TCEA1: variants seen among roughly 807,000 people sequenced by gnomAD.
TCEA1 encodes transcription elongation factor A1.
In TCEA1, 21 loss-of-function variants were observed where a neutral mutation model predicts 43.8. That is an observed-to-expected ratio of 0.48 (90% CI 0.34 to 0.69). The LOEUF is 0.69. TCEA1 is among the 30% of genes least tolerant of loss of function. The pLI is 0.01. For missense variants in TCEA1, 250 were observed against 365.1 expected (o/e 0.68, Z 2.57); for synonymous variants, 104 against 117.5 (o/e 0.88, Z 0.75).
At chr8:53,986,880 T>A (rs1803705067) in intron 6 of TCEA1, 89 bp downstream of exon 6, 2 of 944,286 alleles carry the variant, frequency 2.1e-6, no homozygotes, top group South Asian at 3.3e-5. Flanking sequence ...GAAGGACTAC[T>A]GCATGTAAAA....
intron 1 of TCEA1, among the ~76,000 whole-genome samples, chr8:54,017,502 G>A (rs916108574): frequency 2.6e-5 from 4 of 151,894 alleles, no homozygotes; most frequent in East Asian, 1.9e-4. Context: ...ACATTGTCTC[G>A]CTCTGTCACC....
intron 7 of TCEA1, among the ~76,000 whole-genome samples, chr8:53,980,987 T>C (rs1338360323): frequency 6.6e-6 from 1 of 152,206 alleles, no homozygotes; most frequent in Non-Finnish European, 1.5e-5. Flanking sequence ...GAAAACGTTT[T>C]AGTGGCCTAG....
chr8:53,993,136 T>A (rs1403773766), intron 4 of TCEA1, among the ~76,000 whole-genome samples: 2 of 147,404 alleles, frequency 1.4e-5, no homozygotes, highest in African/African-American at 5.0e-5. Context: ...AATTTTTTTT[T>A]TTTTTTTTTT....
chr8:54,022,421 G>C lies in TCEA1; in HGVS notation c.-296C>G, dbSNP rs1288010258. 2 of 467,370 alleles carry C rather than the reference G, an allele frequency of 4.3e-6. No homozygotes were observed. Among genetic ancestry groups the C allele is most frequent in the Non-Finnish European group, 7.6e-6 (2 of 262,998 alleles). 29.0% of individuals were successfully genotyped at this position (467,370 alleles called of 1,614,324 possible). A position where few individuals can be genotyped will look rare whatever the true frequency, so the allele number is the denominator to read the frequency against. On this transcript the variant is annotated 5_prime_UTR_variant, in exon 1 of 10. Transcript: ENST00000521604. ...CCATGTTCCCGCCAGGCGGGCGTCG[G>C]GCTAGTGGGCAGGCGTGGCTTCCGG...
intron 9 of TCEA1, chr8:53,970,159 C>A: frequency 1.9e-6 from 1 of 538,206 alleles, no homozygotes; most frequent in Non-Finnish European, 3.3e-6. Flanking sequence ...AAGATTCACT[C>A]CCCATTTCCT....
At chr8:54,004,443 A>G (rs1804374531) in intron 2 of TCEA1, among the ~76,000 whole-genome samples, 1 of 152,220 alleles carries the variant, frequency 6.6e-6, no homozygotes, top group African/African-American at 2.4e-5. Flanking sequence ...ATTCAGCCAT[A>G]AAAAGGCCTG....
At chr8:53,991,133 C>T (rs1803862158) in intron 4 of TCEA1, among the ~76,000 whole-genome samples, 1 of 152,154 alleles carries the variant, frequency 6.6e-6, no homozygotes, top group Admixed American at 6.5e-5. Flanking sequence ...TGGCTCACGA[C>T]AGTAATCCCA....
intron 3 of TCEA1, among the ~76,000 whole-genome samples, chr8:53,999,387 A>G (rs566449541): frequency 1.3e-5 from 2 of 152,162 alleles, no homozygotes; most frequent in East Asian, 1.9e-4. Context: ...TAAATTTCCT[A>G]TATTTCTTAT....
chr8:53,999,590 G>T (rs919157260), intron 3 of TCEA1: 5 of 225,668 alleles, frequency 2.2e-5, no homozygotes, highest in East Asian at 1.9e-4. Context: ...TGATGATATG[G>T]ATAAAGGATA....
chr8:54,020,227 G>A (rs935597900), intron 1 of TCEA1, among the ~76,000 whole-genome samples: 1 of 152,118 alleles, frequency 6.6e-6, no homozygotes, highest in East Asian at 1.9e-4. Flanking sequence ...AGCTTCTACT[G>A]TGCAAGTCTG....
In TCEA1 at chr8:53,997,626, G is replaced by A. The variant is rs529386510; in HGVS notation, c.232+2319C>T. On this transcript the variant is annotated intron_variant, in intron 3 of 9. Coordinates refer to ENST00000521604, the MANE Select transcript of TCEA1 (RefSeq NM_006756.4). ...TAAAAACAAAGGAGGGGCCAAGCGC[G>A]ATGGCTCACGCCTATAAACCTAACA... 5.9e-5 allele frequency among the ~76,000 whole-genome samples: 9 copies of A among 152,332 alleles called. No individual in the cohort carries two copies. In the South Asian group the frequency reaches 1.7e-3, roughly 28 times the overall value.
chr8:54,003,542 A>G (rs902108843), intron 2 of TCEA1, among the ~76,000 whole-genome samples: 4 of 152,250 alleles, frequency 2.6e-5, no homozygotes, highest in Admixed American at 2.6e-4. Context: ...ATAAATTCCT[A>G]CATTTTTCAT....
At chr8:54,008,829 T>C (rs997311522) in intron 2 of TCEA1, among the ~76,000 whole-genome samples, 1 of 151,212 alleles carries the variant, frequency 6.6e-6, no homozygotes, top group African/African-American at 2.4e-5. Flanking sequence ...GAATGGCTAT[T>C]ATTTTATTTT....
chr8:53,972,666 G>A, intron 8 of TCEA1: 2 of 624,822 alleles, frequency 3.2e-6, no homozygotes, highest in South Asian at 2.7e-5. Flanking sequence ...TTGAGGATCA[G>A]TAGAGCTATT....
intron 2 of TCEA1, among the ~76,000 whole-genome samples, chr8:54,001,570 T>A (rs903090783): frequency 2.0e-5 from 3 of 152,176 alleles, no homozygotes; most frequent in African/African-American, 7.2e-5. Flanking sequence ...ACTTTTTGAA[T>A]GTGTAGAGGA....
chr8:54,017,542 TGGGAGG>T (rs1485848906), intron 1 of TCEA1, among the ~76,000 whole-genome samples: 2 of 152,204 alleles, frequency 1.3e-5, no homozygotes, highest in African/African-American at 4.8e-5. Context: ...CCCAACATTT[TGGGAGG>T]CCAAGGCAGG....
intron 1 of TCEA1, among the ~76,000 whole-genome samples, chr8:54,014,880 C>T (rs992405750): frequency 6.6e-6 from 1 of 152,164 alleles, no homozygotes; most frequent in Admixed American, 6.5e-5. Context: ...CTTCTTTATA[C>T]GTAGGTGAGC....
intron 3 of TCEA1, 142 bp from the exon 4 acceptor site, chr8:53,993,897 T>C: frequency 3.0e-6 from 2 of 661,180 alleles, no homozygotes; most frequent in Non-Finnish European, 2.6e-6. Flanking sequence ...GCTATTAGCA[T>C]ATGTACTATT....
intron 2 of TCEA1, among the ~76,000 whole-genome samples, chr8:54,003,534 A>C (rs1287110135): frequency 6.6e-6 from 1 of 152,256 alleles, no homozygotes; most frequent in East Asian, 1.9e-4. Flanking sequence ...CTCCAGAAAT[A>C]AATTCCTACA....
Sources: allele counts gnomAD v4.1 joint callset (sites outside exome capture counted in the v4.1 genomes callset), GRCh38; gene constraint gnomAD v4.1.1; transcripts MANE v1.5; gene names NCBI Gene and HGNC (gene_info 2026-07-23, HGNC 2026-07-21).